The following RNF150 variants were observed in gnomAD, a reference collection of about 807,000 sequenced individuals.
RNF150 encodes the protein ring finger protein 150.
RNF150 carries 24 observed loss-of-function variants against 39.3 expected under a neutral mutation model. The ratio of observed to expected loss-of-function variants is 0.61; its 90% CI spans 0.44 to 0.86. The LOEUF (loss-of-function observed/expected upper bound fraction) is 0.86, where lower values mean the gene tolerates loss of function less well. RNF150 is among the 40% of genes least tolerant of loss of function. The probability of loss-of-function intolerance (pLI) is 0.00; values close to 1 mark genes in which losing one functional copy is unlikely to be tolerated. For synonymous variants in RNF150, 255 were observed against 227.3 expected, an observed-to-expected ratio of 1.12 and a Z score of -1.10; for missense variants, 502 against 587.8, an observed-to-expected ratio of 0.85 and a Z score of 1.51.
At chr4:140,911,524 A>C (rs1293500688) in intron 5 of RNF150, among the ~76,000 whole-genome samples, 170 bp from the exon 6 acceptor site, 1 of 152,220 alleles carries the variant, frequency 6.6e-6, no homozygotes, top group Non-Finnish European at 1.5e-5. Flanking sequence ...GATTAACATA[A>C]AAAGATCTTC....
intron 1 of RNF150, among the ~76,000 whole-genome samples, chr4:141,107,758 A>G (rs1468548467): frequency 6.6e-6 from 1 of 152,222 alleles, no homozygotes; most frequent in Non-Finnish European, 1.5e-5. Context: ...CAAGAAAACT[A>G]GAAAAGAGCA....
At chr4:141,107,131 G>A (rs1193062203) in intron 1 of RNF150, among the ~76,000 whole-genome samples, 2 of 152,108 alleles carry the variant, frequency 1.3e-5, no homozygotes, top group African/African-American at 4.8e-5. Context: ...TCAATTTAAA[G>A]TGATCTCTAC....
At chr4:141,005,256 T>C (rs1249588300) in intron 1 of RNF150, among the ~76,000 whole-genome samples, 1 of 152,196 alleles carries the variant, frequency 6.6e-6, no homozygotes, top group Non-Finnish European at 1.5e-5. Context: ...CAAGTAGAGA[T>C]ACTGAGTGGA....
At position 141,132,834 on chromosome 4, in the gene RNF150, G is replaced by A; in HGVS notation, c.-26C>T. 1 of 1,541,948 alleles carries A rather than the reference G, an allele frequency of 6.5e-7. No homozygotes were observed. The highest frequency in any genetic ancestry group is 8.9e-7 in the Non-Finnish European group (1 of 1,122,826). On this transcript the variant is annotated 5_prime_UTR_variant, in exon 1 of 7. Transcript: ENST00000515673. This position sits in a 1 kb window ranked among gnomAD's most constrained non-coding sequence, Gnocchi z 4.9. ...CTTTATCCGCCGGGGCCCCCTCCCC[G>A]CCCCCGCGCCCTCCCTCCGTCCCGT...
intron 1 of RNF150, among the ~76,000 whole-genome samples, chr4:141,158,588 T>C (rs975958743): frequency 3.9e-5 from 6 of 152,204 alleles, no homozygotes; most frequent in Non-Finnish European, 8.8e-5. Flanking sequence ...ATCCTTAGTG[T>C]ATTAACATTT....
chr4:141,126,275 T>G (rs1428698761), intron 1 of RNF150, among the ~76,000 whole-genome samples: 1 of 152,166 alleles, frequency 6.6e-6, no homozygotes. Context: ...AATCACATAC[T>G]CTCAATGCTT....
intron 1 of RNF150, among the ~76,000 whole-genome samples, chr4:141,172,048 A>ACAATAATG (rs1345822419): frequency 2.6e-5 from 4 of 152,212 alleles, no homozygotes; most frequent in African/African-American, 9.6e-5. Context: ...AGCTATTGCC[A>ACAATAATG]CAATAATGCT....
At chr4:141,116,990 AG>A (rs1163581760) in intron 1 of RNF150, among the ~76,000 whole-genome samples, 1 of 143,954 alleles carries the variant, frequency 6.9e-6, no homozygotes, top group African/African-American at 2.5e-5. Context: ...GGAGCCTGTC[AG>A]GGGGTGGGGG....
intron 2 of RNF150, among the ~76,000 whole-genome samples, chr4:140,964,235 G>C (rs896085337): frequency 6.6e-5 from 10 of 152,056 alleles, no homozygotes; most frequent in African/African-American, 2.2e-4. Flanking sequence ...TCTGCTGCTG[G>C]TTCAATTGCT....
At chr4:140,918,860 G>A (rs1311060636) in intron 5 of RNF150, among the ~76,000 whole-genome samples, 8 of 152,136 alleles carry the variant, frequency 5.3e-5, no homozygotes, top group African/African-American at 1.2e-4. Context: ...CTTCATCCCT[G>A]GGATGAAAGT....
intron 1 of RNF150, among the ~76,000 whole-genome samples, chr4:141,107,190 A>C (rs1382589829): frequency 6.6e-6 from 1 of 152,230 alleles, no homozygotes; most frequent in Non-Finnish European, 1.5e-5. Flanking sequence ...GTTATAGAGA[A>C]TCACATTATA....
At chr4:141,021,114 G>A (rs768199162) in intron 1 of RNF150, among the ~76,000 whole-genome samples, 44 of 152,056 alleles carry the variant, frequency 2.9e-4, no homozygotes, top group Non-Finnish European at 5.9e-4. Flanking sequence ...GTGGGATTCT[G>A]GATAAAATCA....
At chr4:140,975,749 G>T (rs755623938) in intron 1 of RNF150, among the ~76,000 whole-genome samples, 5 of 152,152 alleles carry the variant, frequency 3.3e-5, no homozygotes, top group African/African-American at 9.7e-5. Flanking sequence ...ACAGAGTTGA[G>T]TATGTTTAGA....
At chr4:140,944,599 C>A (rs532673236) in intron 4 of RNF150, 4 of 152,036 alleles carry the variant, frequency 2.6e-5, no homozygotes, top group Non-Finnish European at 5.9e-5. Flanking sequence ...CAGAAAGAGA[C>A]AAGCGATAAA....
chr4:140,974,541 C>T (rs77737052), intron 1 of RNF150, among the ~76,000 whole-genome samples: 7,571 of 152,168 alleles, frequency 0.05, 278 homozygotes, highest in African/African-American at 0.096. Flanking sequence ...CTAGCTTGTA[C>T]GGTAGTTGAA....
intron 2 of RNF150, among the ~76,000 whole-genome samples, chr4:140,965,379 C>A (rs1733198373): frequency 1.3e-5 from 2 of 152,232 alleles, no homozygotes; most frequent in South Asian, 4.1e-4. Flanking sequence ...ATTTACCAAT[C>A]CCTCTTCTGG....
At chr4:141,114,524 C>CA (rs1239263627) in intron 1 of RNF150, among the ~76,000 whole-genome samples, 1 of 152,040 alleles carries the variant, frequency 6.6e-6, no homozygotes, top group Non-Finnish European at 1.5e-5. Flanking sequence ...GCCTACCAAC[C>CA]AAAAAAATCC....
At chr4:141,072,243 C>T (rs4632742) in intron 1 of RNF150, among the ~76,000 whole-genome samples, 68,115 of 152,048 alleles carry the variant, frequency 0.45, 17,143 homozygotes, top group Non-Finnish European at 0.58. Context: ...CCAGGTAAAA[C>T]GAAAGGATGA....
At chr4:140,966,531 A>AAAAG (rs1250063987) in intron 2 of RNF150, among the ~76,000 whole-genome samples, 4 of 152,126 alleles carry the variant, frequency 2.6e-5, no homozygotes, top group African/African-American at 9.7e-5. Context: ...AACTCAATTG[A>AAAAG]AAAGAAGTCA....
Sources: gnomAD v4.1 joint callset for allele counts (sites outside exome capture counted in the v4.1 genomes callset) on GRCh38, gnomAD v4.1.1 for gene constraint, Gnocchi (gnomAD v3.1) non-coding constraint, MANE v1.5 for transcripts, NCBI Gene and HGNC (gene_info 2026-07-23, HGNC 2026-07-21) for gene names.